STXBP4: variants seen among roughly 807,000 people sequenced by gnomAD.
STXBP4 encodes syntaxin binding protein 4.
STXBP4 carries 55 observed loss-of-function variants against 76.1 expected under a neutral mutation model. That is an observed-to-expected ratio of 0.72 (90% CI 0.58 to 0.91). STXBP4 has a LOEUF of 0.91. Among genes scored for constraint, STXBP4 ranks in the 40% least tolerant of loss-of-function variants. The pLI, the probability that STXBP4 is intolerant of heterozygous loss-of-function variation, is 0.00. For synonymous variants in STXBP4, 201 were observed against 220.2 expected (o/e 0.91, Z 0.77); for missense variants, 618 against 636.9 (o/e 0.97, Z 0.32).
At chr17:55,188,496 T>G in the STXBP4 span, among the ~76,000 whole-genome samples, 1 of 152,222 alleles carries the variant, frequency 6.6e-6, no homozygotes, top group African/African-American at 2.4e-5. Flanking sequence ...ACCTGGGAAC[T>G]GGACAGACAC....
rs940585837 is a variant in STXBP4, at chr17:55,164,895, C to T, written c.*4984C>T. 7.9e-5 allele frequency: 12 copies of T among 152,250 alleles called. No homozygotes were observed. The highest frequency in any genetic ancestry group is 1.2e-4 in the African/African-American group (5 of 41,494). The allele number at this position is 152,250 out of a possible 1,614,324, so 9.4% of individuals were successfully genotyped here. A position where few individuals can be genotyped will look rare whatever the true frequency, so the allele number is the denominator to read the frequency against. On this transcript the variant is annotated 3_prime_UTR_variant, in exon 18 of 18. Transcript: ENST00000376352. ...TTCATTTACTCACTTACACACTTAC[C>T]GAGAGCTACTAGAGGCCAGACACTT...
At chr17:55,183,169 A>G in the STXBP4 span, among the ~76,000 whole-genome samples, 1 of 152,240 alleles carries the variant, frequency 6.6e-6, no homozygotes, top group Non-Finnish European at 1.5e-5. Flanking sequence ...CACTTTACAT[A>G]AAGAGGGTAA....
At chr17:55,191,298 G>A in the STXBP4 span, among the ~76,000 whole-genome samples, 5 of 152,194 alleles carry the variant, frequency 3.3e-5, no homozygotes, top group East Asian at 9.7e-4. Context: ...TGTGCCACCT[G>A]GGAGCCAATA....
intron 12 of STXBP4, among the ~76,000 whole-genome samples, chr17:55,060,802 G>A (rs1402729921): frequency 6.6e-6 from 1 of 152,134 alleles, no homozygotes; most frequent in African/African-American, 2.4e-5. Context: ...TCACAGGCAT[G>A]GGCCACTCTT....
chr17:55,020,174 A>G (rs1339253904), intron 8 of STXBP4, among the ~76,000 whole-genome samples: 1 of 152,078 alleles, frequency 6.6e-6, no homozygotes, highest in African/African-American at 2.4e-5. Flanking sequence ...CTCATCTTCT[A>G]TGTCTTTCAG....
intron 1 of STXBP4, among the ~76,000 whole-genome samples, chr17:54,977,348 T>C (rs2077487511): frequency 6.6e-6 from 1 of 152,214 alleles, no homozygotes; most frequent in African/African-American, 2.4e-5. Flanking sequence ...CTACAATGGC[T>C]GTGTCTTTAC....
At chr17:55,083,135 C>G (rs905583780) in intron 16 of STXBP4, among the ~76,000 whole-genome samples, 2 of 151,860 alleles carry the variant, frequency 1.3e-5, no homozygotes, top group African/African-American at 4.8e-5. Context: ...CATCACCATG[C>G]CTGGCATTTT....
At chr17:54,984,014 G>A (rs2077588029) in intron 1 of STXBP4, among the ~76,000 whole-genome samples, 1 of 152,032 alleles carries the variant, frequency 6.6e-6, no homozygotes, top group Admixed American at 6.6e-5. Flanking sequence ...TGGCTTGGTG[G>A]CTTCATTTTT....
At chr17:55,032,395 G>C (rs181721867) in intron 9 of STXBP4, among the ~76,000 whole-genome samples, 333 of 152,196 alleles carry the variant, frequency 2.2e-3, no homozygotes, top group Non-Finnish European at 3.4e-3. Flanking sequence ...ACAGAAAAAT[G>C]GGTGAGGAAA....
intron 16 of STXBP4, among the ~76,000 whole-genome samples, chr17:55,115,787 C>T (rs921607440): frequency 6.6e-6 from 1 of 151,818 alleles, no homozygotes; most frequent in Non-Finnish European, 1.5e-5. Flanking sequence ...GGAATGCAGA[C>T]CTGAATAATA....
intron 12 of STXBP4, among the ~76,000 whole-genome samples, chr17:55,064,203 TTGTC>T (rs1484470239): frequency 6.6e-6 from 1 of 152,188 alleles, no homozygotes; most frequent in Non-Finnish European, 1.5e-5. Flanking sequence ...ATATCAAAGA[TTGTC>T]TGTAACCATG....
chr17:55,160,016 T>G lies in STXBP4; in HGVS notation c.*105T>G. On this transcript the variant is annotated 3_prime_UTR_variant, in exon 18 of 18. Transcript: ENST00000376352. ...AAAATAGGAGTAAAGCATGCACTACTTGTTGAAGTGTGAAATGGAGACTCT... is the reference window on the plus strand; with the variant it reads ...AAAATAGGAGTAAAGCATGCACTACGTGTTGAAGTGTGAAATGGAGACTCT... 1 of 636,282 alleles carries G rather than the reference T, an allele frequency of 1.6e-6. No individual in the cohort carries two copies. The highest frequency in any genetic ancestry group is 2.7e-6 in the Non-Finnish European group (1 of 366,178). 39.4% of individuals were successfully genotyped at this position (636,282 alleles called of 1,614,324 possible).
At chr17:54,990,723 T>G in intron 3 of STXBP4, 102 bp from the exon 4 acceptor site, 1 of 1,382,416 alleles carries the variant, frequency 7.2e-7, no homozygotes, top group Non-Finnish European at 9.6e-7. Flanking sequence ...GGTGAGGGGT[T>G]GCTGCTCTAG....
intron 8 of STXBP4, among the ~76,000 whole-genome samples, chr17:55,014,806 G>A (rs370160435): frequency 3.9e-5 from 6 of 152,078 alleles, no homozygotes; most frequent in East Asian, 1.9e-4. Context: ...AAGTGTCCTC[G>A]TAGGCCACAC....
intron 10 of STXBP4, 32 bp downstream of exon 10, chr17:55,034,291 T>G (rs370017672): frequency 6.7e-7 from 1 of 1,489,368 alleles, no homozygotes; most frequent in East Asian, 2.3e-5. Context: ...TGCTTTGACA[T>G]GTATAAGTCA....
At chr17:55,091,461 C>A (rs2079413591) in intron 16 of STXBP4, among the ~76,000 whole-genome samples, 1 of 151,764 alleles carries the variant, frequency 6.6e-6, no homozygotes, top group South Asian at 2.1e-4. Context: ...TTTGAAATGC[C>A]CCAAAATCCA....
At chr17:55,032,451 A>G (rs1312455108) in intron 9 of STXBP4, among the ~76,000 whole-genome samples, 1 of 152,208 alleles carries the variant, frequency 6.6e-6, no homozygotes, top group Admixed American at 6.5e-5. Context: ...GTGTGAAGAT[A>G]GAGGAAAATC....
intron 12 of STXBP4, among the ~76,000 whole-genome samples, chr17:55,058,797 G>C (rs1237669242): frequency 2.0e-5 from 3 of 151,986 alleles, no homozygotes; most frequent in Non-Finnish European, 4.4e-5. Context: ...TCTAAAAATG[G>C]TTTTCTTTTT....
chr17:55,205,774 C>G, the STXBP4 span, among the ~76,000 whole-genome samples: 1 of 151,926 alleles, frequency 6.6e-6, no homozygotes, highest in Non-Finnish European at 1.5e-5. Flanking sequence ...CTCATATACT[C>G]TTGGTGGGAA....
Sources: gnomAD v4.1 joint callset for allele counts (sites outside exome capture counted in the v4.1 genomes callset) on GRCh38, gnomAD v4.1.1 for gene constraint, MANE v1.5 for transcripts, NCBI Gene and HGNC (gene_info 2026-07-23, HGNC 2026-07-21) for gene names.